Variants in ASIC2 observed in about 807,000 individuals in gnomAD.
ASIC2 encodes the protein acid-sensing ion channel 2.
A neutral mutation model predicts 57.3 loss-of-function variants in ASIC2; 25 were observed. The observed-to-expected ratio is 0.44, with a 90% CI of 0.32 to 0.61. ASIC2 has a LOEUF of 0.61. ASIC2 is among the 20% of genes least tolerant of loss of function. The pLI, the probability that ASIC2 is intolerant of heterozygous loss-of-function variation, is 0.06. For missense variants in ASIC2, 641 were observed against 738.1 expected, an observed-to-expected ratio of 0.87 and a Z score of 1.52; for synonymous variants, 319 against 307.5, an observed-to-expected ratio of 1.04 and a Z score of -0.39.
At chr17:33,538,588 C>T (rs926530451) in intron 1 of ASIC2, among the ~76,000 whole-genome samples, 5 of 152,348 alleles carry the variant, frequency 3.3e-5, no homozygotes, top group African/African-American at 9.6e-5. Flanking sequence ...CAGCCCAGCA[C>T]TGTCTATTCC....
chr17:33,957,810 TCTTAA>T (rs1904784989), intron 1 of ASIC2, among the ~76,000 whole-genome samples: 1 of 152,062 alleles, frequency 6.6e-6, no homozygotes, highest in African/African-American at 2.4e-5. Context: ...TCCCCCAAAG[TCTTAA>T]CTTATTTCAG....
intron 1 of ASIC2, among the ~76,000 whole-genome samples, chr17:33,495,776 T>C (rs1440213087): frequency 6.6e-6 from 1 of 152,068 alleles, no homozygotes; most frequent in Non-Finnish European, 1.5e-5. Flanking sequence ...TGGAGAAGCA[T>C]AGGGAGCCAG....
intron 1 of ASIC2, among the ~76,000 whole-genome samples, chr17:34,101,724 C>T (rs1449368817): frequency 5.3e-5 from 8 of 152,110 alleles, no homozygotes; most frequent in Admixed American, 1.3e-4. Context: ...AGTCTCCGTA[C>T]GTGTTTTCAA....
chr17:33,019,833 T>A lies in ASIC2; in HGVS notation c.1441+1386A>T, dbSNP rs768012962. On this transcript the variant is annotated intron_variant, in intron 7 of 9. Coordinates refer to ENST00000225823, the MANE Select transcript of ASIC2 (RefSeq NM_183377.2). ...TCTCTCTCTCTGTGAAAGAGAGGGA[T>A]CTGTGTGAGAGAGAGAGAGAGAGAA... 2.0e-5 allele frequency among the ~76,000 whole-genome samples: 3 copies of A among 150,978 alleles called. No homozygotes were observed. In the East Asian group the frequency reaches 5.9e-4, roughly 29 times the overall value.
At chr17:34,088,824 G>A (rs534545171) in intron 1 of ASIC2, among the ~76,000 whole-genome samples, 16 of 152,336 alleles carry the variant, frequency 1.1e-4, no homozygotes, top group African/African-American at 2.2e-4. Context: ...CTCCGTGGGC[G>A]TAGGACCCTC....
At chr17:34,021,490 AT>A (rs1301315787) in intron 1 of ASIC2, among the ~76,000 whole-genome samples, 1 of 152,158 alleles carries the variant, frequency 6.6e-6, no homozygotes, top group African/African-American at 2.4e-5. Context: ...GGGCTCTGGA[AT>A]CTCAGCCCCC....
At chr17:33,255,417 T>C (rs1425418647) in intron 1 of ASIC2, among the ~76,000 whole-genome samples, 1 of 152,038 alleles carries the variant, frequency 6.6e-6, no homozygotes, top group Non-Finnish European at 1.5e-5. Flanking sequence ...GATCTCTATC[T>C]GTTGACACGC....
In ASIC2 at chr17:33,184,093, T is replaced by C. The variant is rs183068809; in HGVS notation, c.709-72026A>G. 2.3e-3 allele frequency among the ~76,000 whole-genome samples: 354 copies of C among 152,312 alleles called. 2 individuals are homozygous for C. The highest frequency in any genetic ancestry group is 8.1e-3 in the African/African-American group (338 of 41,576). ...AGTTAATGGAGGCTATTACTACAAT[T>C]GAGCTACACAACCCAACCCCTTTAC... On this transcript the variant is annotated intron_variant, in intron 1 of 9. Transcript: ENST00000225823.
intron 1 of ASIC2, among the ~76,000 whole-genome samples, chr17:34,091,277 C>T (rs1263904467): frequency 6.6e-6 from 1 of 152,154 alleles, no homozygotes; most frequent in Non-Finnish European, 1.5e-5. Context: ...TCTTAGAGGC[C>T]TTATGAAGAT....
At chr17:33,374,381 G>A (rs1192341719) in intron 1 of ASIC2, among the ~76,000 whole-genome samples, 1 of 151,990 alleles carries the variant, frequency 6.6e-6, no homozygotes, top group Non-Finnish European at 1.5e-5. Flanking sequence ...AATGGGTCCC[G>A]TGGCACCCCC....
chr17:33,176,080 C>T lies in ASIC2; in HGVS notation c.709-64013G>A, dbSNP rs1421712331. On this transcript the variant is annotated intron_variant, in intron 1 of 9. Coordinates refer to ENST00000225823, the MANE Select transcript of ASIC2 (RefSeq NM_183377.2). Reference sequence around the variant, plus strand: ...GGCTGTTTCCCCTTACTGGAATGTCCTTCATTTCCCCTTCTCTAGTGAACA... The same window carrying T: ...GGCTGTTTCCCCTTACTGGAATGTCTTTCATTTCCCCTTCTCTAGTGAACA... 2.0e-5 allele frequency among the ~76,000 whole-genome samples: 3 copies of T among 152,296 alleles called. No homozygotes were observed. The East Asian group carries it at 5.8e-4, about 29-fold the overall frequency.
intron 1 of ASIC2, among the ~76,000 whole-genome samples, chr17:33,186,171 C>G (rs1263079024): frequency 6.6e-6 from 1 of 151,972 alleles, no homozygotes; most frequent in Non-Finnish European, 1.5e-5. Flanking sequence ...AGTGCAATGG[C>G]TTGATCTTGG....
rs1904534758 is a variant in ASIC2 at position 33,950,776 on chromosome 17, G to C, written c.555+205202C>G. ...GCTTTCTGGGGAATCTGCAAGGGCT[G>C]GGGTGCTGGGTGGTCCTGAAGGCAG... On this transcript the variant is annotated intron_variant, in intron 1 of 9. Coordinates refer to the ASIC2 transcript ENST00000359872. 2.0e-5 allele frequency among the ~76,000 whole-genome samples: 3 copies of C among 152,346 alleles called. No homozygotes were observed. In the South Asian group the frequency reaches 6.2e-4, roughly 32 times the overall value.
intron 3 of ASIC2, 65 bp downstream of exon 3, chr17:33,088,798 T>G: frequency 6.6e-7 from 1 of 1,507,948 alleles, no homozygotes. Context: ...TTTCTCCTCC[T>G]TGTGCCTCTG....
rs116645576 is a variant in ASIC2 at position 33,481,474 on chromosome 17, A to G, written c.556-369407T>C. ...TTGTTGACCTGTGCTCTGCATCCCAATGTTTCCTCCCTCTGTGGGGAGGTT... is the reference window on the plus strand; with the variant it reads ...TTGTTGACCTGTGCTCTGCATCCCAGTGTTTCCTCCCTCTGTGGGGAGGTT... On this transcript the variant is annotated intron_variant, in intron 1 of 9. Transcript: ENST00000359872. Among the ~76,000 whole-genome samples the G allele has an allele frequency of 2.1e-3, 320 of 152,048 alleles. 2 individuals are homozygous for G. Among genetic ancestry groups the G allele is most frequent in the African/African-American group, 7.5e-3 (310 of 41,478 alleles).
chr17:33,646,203 G>A (rs1906733527), intron 1 of ASIC2, among the ~76,000 whole-genome samples: 1 of 152,190 alleles, frequency 6.6e-6, no homozygotes, highest in African/African-American at 2.4e-5. Flanking sequence ...AGCAGTATGA[G>A]AAATTTTAGC....
At chr17:33,712,636 C>CT (rs60673332) in intron 1 of ASIC2, among the ~76,000 whole-genome samples, 1,960 of 63,634 alleles carry the variant, frequency 0.031, 318 homozygotes, top group Non-Finnish European at 0.036. Flanking sequence ...ACTCATATGG[C>CT]TTTTTTTTTT....
intron 1 of ASIC2, among the ~76,000 whole-genome samples, chr17:33,523,399 G>C (rs928100768): frequency 6.6e-6 from 1 of 152,086 alleles, no homozygotes; most frequent in Non-Finnish European, 1.5e-5. Flanking sequence ...TGGAATTACA[G>C]GCACCTACCA....
chr17:33,174,679 C>T (rs1235141533), intron 1 of ASIC2, among the ~76,000 whole-genome samples: 1 of 152,154 alleles, frequency 6.6e-6, no homozygotes, highest in Admixed American at 6.5e-5. Context: ...GTGACTTGCT[C>T]TGCCCAATGA....
Sources: gnomAD v4.1 joint callset for allele counts (sites outside exome capture counted in the v4.1 genomes callset) on GRCh38, gnomAD v4.1.1 for gene constraint, MANE v1.5 for transcripts, NCBI Gene and HGNC (gene_info 2026-07-23, HGNC 2026-07-21) for gene names.